TRIP13: variants seen among roughly 807,000 people sequenced by gnomAD.
TRIP13 encodes the protein pachytene checkpoint protein 2 homolog.
A neutral mutation model predicts 54.4 loss-of-function variants in TRIP13; 25 were observed. The observed-to-expected ratio is 0.46, with a 90% CI of 0.33 to 0.64. The LOEUF (loss-of-function observed/expected upper bound fraction) is 0.64, where lower values mean the gene tolerates loss of function less well. Among genes scored for constraint, TRIP13 ranks in the 30% least tolerant of loss-of-function variants. The pLI is 0.02. For synonymous variants in TRIP13, 207 were observed against 207.8 expected (o/e 1.00, Z 0.03); for missense variants, 373 against 534.2 (o/e 0.70, Z 2.97).
rs940447693 is a variant in TRIP13, at chr5:911,298, G to A, written c.867-545G>A. On this transcript the variant is annotated intron_variant, in intron 9 of 12. Transcript: ENST00000166345. The surrounding 1 kb of genome is among the most constrained non-coding windows in gnomAD (Gnocchi z 4.7). Reference sequence around the variant, plus strand: ...AAGTGAGATCCTTGCTAGGCCGGGCGCGGTGGCTTACGCCTGTAATCCCAG... The same window carrying A: ...AAGTGAGATCCTTGCTAGGCCGGGCACGGTGGCTTACGCCTGTAATCCCAG... Among the ~76,000 whole-genome samples, 7 of 152,008 alleles carry A rather than the reference G, an allele frequency of 4.6e-5. No individual in the cohort carries two copies. The highest frequency in any genetic ancestry group is 5.9e-5 in the Non-Finnish European group (4 of 67,976).
chr5:905,938 A>G (rs889104991), intron 6 of TRIP13, among the ~76,000 whole-genome samples: 1 of 152,204 alleles, frequency 6.6e-6, no homozygotes, highest in African/African-American at 2.4e-5. Context: ...GGGGCATGCC[A>G]GCATGGCGGC....
At chr5:905,392 G>T (rs1560947075) in intron 6 of TRIP13, among the ~76,000 whole-genome samples, 1 of 152,298 alleles carries the variant, frequency 6.6e-6, no homozygotes, top group East Asian at 1.9e-4. Context: ...GACATCGGGG[G>T]CGCCATGAGG....
At position 908,685 on chromosome 5, in the gene TRIP13, G is replaced by A. The variant is rs1284018430; in HGVS notation, c.866+224G>A. The A allele has an allele frequency of 2.1e-5, 27 of 1,315,526 alleles. No homozygotes were observed. In the Admixed American group the frequency reaches 2.1e-4, roughly 10 times the overall value. 81.5% of individuals were successfully genotyped at this position (1,315,526 alleles called of 1,614,324 possible). A position where few individuals can be genotyped will look rare whatever the true frequency, so the allele number is the denominator to read the frequency against. On this transcript the variant is annotated intron_variant, in intron 9 of 12. Transcript: ENST00000166345. This position sits in a 1 kb window ranked among gnomAD's most constrained non-coding sequence, Gnocchi z 5.2. ...TTAAAAATGTAATAGAAGGCCAGGC[G>A]CGGTGGCTCACACCTGTAATCCCAG...
rs753736754 is a variant in TRIP13 at position 917,017 on chromosome 5, G to A, written c.1213G>A (p.Val405Ile). ...AHALYVQAPTVTIEGFLQALS... is the reference protein window; with the variant it reads ...AHALYVQAPTITIEGFLQALS... ...ACCGTGTACCTTCTAGGCCCCCACC[G>A]TCACCATAGAGGGGTTCCTCCAGGC... The change falls in exon 13 of 13, where the codon GTC becomes ATC. Residue 405 changes from valine to isoleucine, a missense_variant. Val to Ile is a conservative substitution (Grantham distance 29, BLOSUM62 3). Transcript: ENST00000166345. 2.4e-5 allele frequency: 39 copies of A among 1,613,394 alleles called. No homozygotes were observed. Among genetic ancestry groups the A allele is most frequent in the African/African-American group, 2.7e-5 (2 of 74,882 alleles).
At position 913,636 on chromosome 5, in the gene TRIP13, G is replaced by A. The variant is rs533017652; in HGVS notation, c.1021-829G>A. 3.3e-5 allele frequency among the ~76,000 whole-genome samples: 5 copies of A among 152,274 alleles called. No individual in the cohort carries two copies. Among genetic ancestry groups the A allele is most frequent in the South Asian group, 4.1e-4 (2 of 4,824 alleles). ...CTTCCAAAGTGCTGAGGTTACAGGC[G>A]TGAGCCACCGTGCCCAGTGATAGGG... On this transcript the variant is annotated intron_variant, in intron 10 of 12. Transcript: ENST00000166345. This position sits in a 1 kb window ranked among gnomAD's most constrained non-coding sequence, Gnocchi z 4.5.
At chr5:916,754 C>T (rs1754348530) in intron 12 of TRIP13, among the ~76,000 whole-genome samples, 1 of 152,166 alleles carries the variant, frequency 6.6e-6, no homozygotes, top group African/African-American at 2.4e-5. Context: ...CCCTGCCCAC[C>T]CCCGCAGCTG....
At chr5:893,145 C>A in intron 1 of TRIP13, 55 bp downstream of exon 1, 1 of 1,471,130 alleles carries the variant, frequency 6.8e-7, no homozygotes, top group Non-Finnish European at 9.1e-7. Context: ...CCGACCCCAG[C>A]GCGTGCACCG....
In TRIP13 at chr5:912,864, A is replaced by T. The variant is rs1226621448; in HGVS notation, c.1020+868A>T. The stretch of plus-strand genomic sequence containing the variant: ...TCCTGCAGGGGCCTTTGTTTAGGGT[A>T]GTTGGGCGGTAACCAAGCAAACCAG... On this transcript the variant is annotated intron_variant, in intron 10 of 12. Transcript: ENST00000166345. This position sits in a 1 kb window ranked among gnomAD's most constrained non-coding sequence, Gnocchi z 7.2. Among the ~76,000 whole-genome samples, 9 of 152,190 alleles carry T rather than the reference A, an allele frequency of 5.9e-5. No individual in the cohort carries two copies. The highest frequency in any genetic ancestry group is 1.3e-4 in the Non-Finnish European group (9 of 68,020).
rs1754322302 is a variant in TRIP13 at position 915,358 on chromosome 5, C to T, written c.1134-546C>T. ...GTGCTCCCAGGCAGGTGATGCCTTC[C>T]CTGAGCGCAAGGATGCTGGCCCTGG... On this transcript the variant is annotated intron_variant, in intron 11 of 12. Coordinates refer to ENST00000166345, the MANE Select transcript of TRIP13 (RefSeq NM_004237.4). This position sits in a 1 kb window ranked among gnomAD's most constrained non-coding sequence, Gnocchi z 4.2. Among the ~76,000 whole-genome samples the T allele has an allele frequency of 6.6e-6, 1 of 152,160 alleles. No individual in the cohort carries two copies. Among genetic ancestry groups the T allele is most frequent in the Admixed American group, 6.5e-5 (1 of 15,280 alleles).
chr5:919,318 T>A (rs1193046262), downstream of TRIP13: 1 of 152,254 alleles, frequency 6.6e-6, no homozygotes, highest in Non-Finnish European at 1.5e-5. Flanking sequence ...TTTGATTTGC[T>A]TGTTATATAA....
intron 12 of TRIP13, among the ~76,000 whole-genome samples, chr5:916,647 C>T (rs910743445): frequency 2.0e-5 from 3 of 152,170 alleles, no homozygotes; most frequent in Non-Finnish European, 2.9e-5. Context: ...CATGGGAATT[C>T]TCTGGTTATA....
At chr5:897,195 C>T (rs1181892105) in intron 3 of TRIP13, among the ~76,000 whole-genome samples, 2 of 148,706 alleles carry the variant, frequency 1.3e-5, no homozygotes, top group Non-Finnish European at 3.0e-5. Context: ...CTCTAGCAGG[C>T]CAAGCCCAGG....
chr5:916,866 G>A, intron 12 of TRIP13, 142 bp from the exon 13 acceptor site: 1 of 607,980 alleles, frequency 1.6e-6, no homozygotes, highest in Non-Finnish European at 2.8e-6. Context: ...GGACGTGTGT[G>A]GTGCGCACTC....
intron 9 of TRIP13, among the ~76,000 whole-genome samples, chr5:909,948 C>T (rs1754196503): frequency 2.6e-5 from 4 of 152,214 alleles, no homozygotes; most frequent in African/African-American, 7.2e-5. Context: ...CTAGTGTGGG[C>T]GTTATGGCCA....
rs763066081 is a variant in TRIP13, at chr5:911,703, G to C, written c.867-140G>C. ...AAAGGCTGGGGGGTCTGCGTGGCCT[G>C]TGTTGGCACAAGGCCACTTTCCTTC... On this transcript the variant is annotated intron_variant, in intron 9 of 12. Transcript: ENST00000166345. The surrounding 1 kb of genome is among the most constrained non-coding windows in gnomAD (Gnocchi z 4.7). 5 of 1,072,860 alleles carry C rather than the reference G, an allele frequency of 4.7e-6. No individual in the cohort carries two copies. Among genetic ancestry groups the C allele is most frequent in the African/African-American group, 1.6e-5 (1 of 62,706 alleles). 66.5% of individuals were successfully genotyped at this position (1,072,860 alleles called of 1,614,324 possible).
chr5:893,233 C>A, intron 1 of TRIP13, 143 bp downstream of exon 1: 2 of 852,110 alleles, frequency 2.3e-6, no homozygotes, highest in Non-Finnish European at 3.5e-6. Context: ...CCCGGGCGCA[C>A]AGGCCGCCGG....
At chr5:916,904 C>A (rs1366772057) in intron 12 of TRIP13, 104 bp from the exon 13 acceptor site, 2 of 945,520 alleles carry the variant, frequency 2.1e-6, no homozygotes, top group East Asian at 2.6e-5. Context: ...CTACCACCCC[C>A]TTCTGTGCTA....
intron 9 of TRIP13, among the ~76,000 whole-genome samples, chr5:909,933 A>G (rs1369104480): frequency 6.6e-6 from 1 of 152,176 alleles, no homozygotes; most frequent in Non-Finnish European, 1.5e-5. Context: ...TAAACCGACA[A>G]CCTTCTAGTG....
chr5:896,923 T>A (rs1753929638), intron 3 of TRIP13, 129 bp downstream of exon 3: 10 of 1,129,702 alleles, frequency 8.9e-6, no homozygotes, highest in Non-Finnish European at 1.2e-6. Context: ...TTTTCTCTCT[T>A]ATGAAATGGA....
Sources: gnomAD v4.1 joint callset for allele counts (sites outside exome capture counted in the v4.1 genomes callset) on GRCh38, gnomAD v4.1.1 for gene constraint, Gnocchi (gnomAD v3.1) non-coding constraint, MANE v1.5 for transcripts, NCBI Gene and HGNC (gene_info 2026-07-23, HGNC 2026-07-21) for gene names.